Variants in WDR35 observed in about 807,000 individuals in gnomAD.
The protein encoded by WDR35 is WD repeat-containing protein 35.
In WDR35, 118 loss-of-function variants were observed where a neutral mutation model predicts 158.3. That is an observed-to-expected ratio of 0.75 (90% CI 0.64 to 0.87). The LOEUF is 0.87. Among genes scored for constraint, WDR35 ranks in the 40% least tolerant of loss-of-function variants. The pLI is 0.00. For synonymous variants in WDR35, 448 were observed against 476.1 expected (o/e 0.94, Z 0.77); for missense variants, 1,263 against 1,405.8 (o/e 0.90, Z 1.62).
intron 2 of WDR35, among the ~76,000 whole-genome samples, chr2:19,985,898 G>GA (rs1672549953): frequency 2.3e-5 from 1 of 44,130 alleles, no homozygotes; most frequent in Non-Finnish European, 4.4e-5. Context: ...CCCCATCTCG[G>GA]GAAAAAAAAA....
chr2:19,978,195 G>GACAC (rs3039208), intron 5 of WDR35, among the ~76,000 whole-genome samples: 81 of 146,806 alleles, frequency 5.5e-4, no homozygotes, highest in African/African-American at 1.6e-3. Context: ...CACACACACA[G>GACAC]ACACACACAC....
intron 10 of WDR35, among the ~76,000 whole-genome samples, chr2:19,961,738 G>C (rs934173666): frequency 1.3e-5 from 2 of 152,156 alleles, no homozygotes; most frequent in Admixed American, 1.3e-4. Context: ...ACTTTCTGAA[G>C]GGCCAAAGGA....
At position 19,935,573 on chromosome 2, in the gene WDR35, T is replaced by G. The variant is rs1291192743; in HGVS notation, c.2445A>C (p.Gly815=). Residue 815 remains glycine, a synonymous_variant, in exon 21 of 27, where the codon GGA becomes GGC. Transcript: ENST00000281405. ...ATTCAGCTAAGCGTTCCTGGTTCCG[T>G]CCTTGTACATAATATTGTACAGCAT... ...WLNAVQYYVQ[G]RNQERLAECY... is the part of the protein sequence containing the mutation. The G allele has an allele frequency of 1.2e-6, 2 of 1,612,794 alleles. No homozygotes were observed. The highest frequency in any genetic ancestry group is 1.7e-6 in the Non-Finnish European group (2 of 1,179,636).
At chr2:19,916,589 G>C (rs185526548) in intron 25 of WDR35, among the ~76,000 whole-genome samples, 3 of 152,168 alleles carry the variant, frequency 2.0e-5, no homozygotes, top group Non-Finnish European at 4.4e-5. Context: ...TTGAGTAGGC[G>C]GTTTCACCCT....
chr2:19,914,093 G>A lies in WDR35; in HGVS notation c.3306C>T (p.Phe1102=), dbSNP rs1453155350. The part of the protein sequence containing the change: ...QQYEDLALEI[F]TKHTSKDNRK... The stretch of plus-strand genomic sequence containing the variant: ...TGTTATCTTTTGAAGTATGTTTGGT[G>A]AAGATTTCTAAAGCAAGGTCTTCAT... The change falls in exon 26 of 27, where the codon TTC becomes TTT. Residue 1102 remains phenylalanine (F), a synonymous_variant. Transcript: ENST00000281405. 1 of 1,614,040 alleles carries A rather than the reference G, an allele frequency of 6.2e-7. No homozygotes were observed. Among genetic ancestry groups the A allele is most frequent in the Admixed American group, 1.7e-5 (1 of 60,006 alleles).
intron 16 of WDR35, among the ~76,000 whole-genome samples, chr2:19,943,855 C>A (rs1670952602): frequency 6.6e-6 from 1 of 152,016 alleles, no homozygotes; most frequent in Non-Finnish European, 1.5e-5. Flanking sequence ...ACTTTGCACA[C>A]AGATGGCATC....
Position 19,987,908 on chromosome 2 carries a change from G to GTA in WDR35, c.142+1255_142+1256dup, listed in dbSNP as rs201005080. Among the ~76,000 whole-genome samples the GTA allele has an allele frequency of 4.5e-3, 668 of 147,710 alleles. 3 individuals carry two copies. Among genetic ancestry groups the GTA allele is most frequent in the Non-Finnish European group, 6.3e-3 (422 of 67,494 alleles). On this transcript the variant is annotated intron_variant, in intron 2 of 26. Transcript: ENST00000281405. ...GACACACATATATATATATACACAC[G>GTA]TATATATATATCTATATACACATTT...
At chr2:19,949,374 G>A (rs1275972992) in intron 13 of WDR35, among the ~76,000 whole-genome samples, 1 of 152,098 alleles carries the variant, frequency 6.6e-6, no homozygotes, top group African/African-American at 2.4e-5. Context: ...GGAACTATAT[G>A]TAACATGATT....
rs763144498 is a variant in WDR35 at position 19,946,018 on chromosome 2, A to G, written c.1635-22T>C. The G allele has an allele frequency of 3.1e-6, 5 of 1,608,754 alleles. No homozygotes were observed. The East Asian group carries it at 8.9e-5, about 29-fold the overall frequency. ...ACGGCTAAAAACAATGCAATTAGAGAAAAGGAAAAAACTATAAAATTACTA... is the reference window on the plus strand; with the variant it reads ...ACGGCTAAAAACAATGCAATTAGAGGAAAGGAAAAAACTATAAAATTACTA... On this transcript the variant is annotated intron_variant, in intron 15 of 26. Coordinates refer to ENST00000281405, the MANE Select transcript of WDR35 (RefSeq NM_020779.4).
In WDR35 at chr2:19,934,029, C is replaced by CCACCACCAT. The variant is rs1670611361; in HGVS notation, c.2548-519_2548-518insATGGTGGTG. Among the ~76,000 whole-genome samples the CCACCACCAT allele has an allele frequency of 1.7e-5, 2 of 116,476 alleles. No homozygotes were observed. Among genetic ancestry groups the CCACCACCAT allele is most frequent in the African/African-American group, 5.7e-5 (2 of 35,134 alleles). The allele number at this position is 116,476 out of a possible 152,430, so 76.4% of individuals were successfully genotyped here. A position where few individuals can be genotyped will look rare whatever the true frequency, so the allele number is the denominator to read the frequency against. On this transcript the variant is annotated intron_variant, in intron 21 of 26. Transcript: ENST00000281405. The surrounding 1 kb of genome is among the most constrained non-coding windows in gnomAD (Gnocchi z 4.6). ...AAGTGGTGGCAGCGAGGAAGAACCA[C>CCACCACCAT]CACCACCACCACCACCACCACCACC...
At chr2:19,913,813 A>G (rs1176264418) in intron 26 of WDR35, 105 bp from the exon 27 acceptor site, 14 of 1,495,134 alleles carry the variant, frequency 9.4e-6, no homozygotes, top group Non-Finnish European at 1.3e-5. Context: ...TTCTGAGATG[A>G]ACATCAAATA....
Position 19,934,183 on chromosome 2 carries a change from A to G in WDR35, c.2548-672T>C, listed in dbSNP as rs1481434401. On this transcript the variant is annotated intron_variant, in intron 21 of 26. Coordinates refer to ENST00000281405, the MANE Select transcript of WDR35 (RefSeq NM_020779.4). This position sits in a 1 kb window ranked among gnomAD's most constrained non-coding sequence, Gnocchi z 4.6. ...GTTTTCCCTCCCCAACCCTTCTACAATATGTTTGGAAGTATGAAAGTATAT... is the reference window on the plus strand; with the variant it reads ...GTTTTCCCTCCCCAACCCTTCTACAGTATGTTTGGAAGTATGAAAGTATAT... Among the ~76,000 whole-genome samples, 3 of 152,192 alleles carry G rather than the reference A, an allele frequency of 2.0e-5. No homozygotes were observed. The highest frequency in any genetic ancestry group is 1.9e-4 in the East Asian group (1 of 5,202).
At chr2:19,977,690 T>C (rs148816463) in intron 5 of WDR35, among the ~76,000 whole-genome samples, 2,418 of 152,318 alleles carry the variant, frequency 0.016, 30 homozygotes, top group Non-Finnish European at 0.025. Context: ...AAACTTTTCA[T>C]TGGCCTCCCA....
chr2:19,956,789 T>TTTTGTA (rs1572346549), intron 11 of WDR35, among the ~76,000 whole-genome samples: 2 of 151,864 alleles, frequency 1.3e-5, no homozygotes, highest in South Asian at 2.1e-4. Flanking sequence ...CCCGGCTAAT[T>TTTTGTA]TTTGTATTTT....
At chr2:19,976,688 C>CT (rs34211947) in intron 5 of WDR35, among the ~76,000 whole-genome samples, 5,705 of 139,374 alleles carry the variant, frequency 0.041, 294 homozygotes, top group African/African-American at 0.13. Context: ...CCAATTGATA[C>CT]TTTTTTTTTT....
intron 25 of WDR35, among the ~76,000 whole-genome samples, chr2:19,925,487 T>C (rs2103390800): frequency 6.6e-6 from 1 of 152,320 alleles, no homozygotes; most frequent in African/African-American, 2.4e-5. Context: ...GAAAAGAATT[T>C]AAAGGTTTGG....
chr2:19,972,505 T>C (rs1467387144), intron 8 of WDR35, among the ~76,000 whole-genome samples: 2 of 151,544 alleles, frequency 1.3e-5, no homozygotes, highest in Non-Finnish European at 2.9e-5. Context: ...GCTATAAATA[T>C]AGAAATAATT....
At chr2:19,980,375 G>C (rs2290945) in intron 4 of WDR35, among the ~76,000 whole-genome samples, 5,860 of 151,690 alleles carry the variant, frequency 0.039, 229 homozygotes, top group East Asian at 0.21. Context: ...GAACTACCTA[G>C]AAGTAATTCT....
chr2:19,937,762 A>G lies in WDR35; in HGVS notation c.2248T>C (p.Tyr750His), dbSNP rs1572329853. ...FGRFEEAERT[Y>H]LEMDRRDLAI... ...ACTTACCTTCTGTCCATCTCGAGAT[A>G]CGTTCTTTCAGCCTCTTCAAACCTG... Residue 750 changes from tyrosine to histidine, a missense_variant, in exon 19 of 27, where the codon TAT (tyrosine) becomes CAT (histidine). Coordinates refer to ENST00000281405, the MANE Select transcript of WDR35 (RefSeq NM_020779.4). 1 of 1,614,030 alleles carries G rather than the reference A, an allele frequency of 6.2e-7. No individual in the cohort carries two copies. The highest frequency in any genetic ancestry group is 1.3e-5 in the African/African-American group (1 of 74,930).
Sources: gnomAD v4.1 joint callset for allele counts (sites outside exome capture counted in the v4.1 genomes callset) on GRCh38, gnomAD v4.1.1 for gene constraint, Gnocchi (gnomAD v3.1) non-coding constraint, MANE v1.5 for transcripts, NCBI Gene and HGNC (gene_info 2026-07-23, HGNC 2026-07-21) for gene names.